The following FASTKD1 variants were observed in gnomAD, a reference collection of about 807,000 sequenced individuals.
FASTKD1 encodes FAST kinase domains 1, also known as FAST kinase domain-containing protein 1, mitochondrial.
In FASTKD1, 94 loss-of-function variants were observed where a neutral mutation model predicts 90.9. The ratio of observed to expected loss-of-function variants is 1.03; its 90% confidence interval spans 0.88 to 1.23. FASTKD1 has a LOEUF of 1.23. Among genes scored for constraint, FASTKD1 ranks in the 50% most tolerant of loss-of-function variants. FASTKD1 has a pLI of 0.00. For synonymous variants in FASTKD1, 319 were observed against 345.8 expected (o/e 0.92, Z 0.86); for missense variants, 945 against 993.5 (o/e 0.95, Z 0.66).
At chr2:169,559,305 G>A (rs561622320) in intron 5 of FASTKD1, among the ~76,000 whole-genome samples, 4 of 152,108 alleles carry the variant, frequency 2.6e-5, no homozygotes, top group South Asian at 2.1e-4. Flanking sequence ...AACTTTCTCC[G>A]TAAAGTTTTC....
Position 169,537,213 on chromosome 2 carries a change from A to G in FASTKD1, c.2188+14T>C. On this transcript the variant is annotated intron_variant, in intron 12 of 14. Transcript: ENST00000453153. ...ATTTTCTGAAAGTAACTAATAACCT[A>G]CCCAATAACTTACCTACTTTGTGGT... The G allele has an allele frequency of 9.9e-6, 14 of 1,411,958 alleles. No homozygotes were observed. Among genetic ancestry groups the G allele is most frequent in the Non-Finnish European group, 1.4e-5 (14 of 997,094 alleles). 87.5% of individuals were successfully genotyped at this position (1,411,958 alleles called of 1,614,324 possible).
chr2:169,561,725 C>T (rs551452285), intron 4 of FASTKD1, among the ~76,000 whole-genome samples: 6 of 128,610 alleles, frequency 4.7e-5, no homozygotes, highest in East Asian at 2.4e-4. Flanking sequence ...AATTATTAAT[C>T]TATTATAAAT....
intron 3 of FASTKD1, among the ~76,000 whole-genome samples, chr2:169,567,456 G>A (rs564480502): frequency 2.0e-5 from 3 of 152,216 alleles, no homozygotes; most frequent in Admixed American, 6.5e-5. Context: ...TATACTTATA[G>A]GTAGAGAGTA....
At position 169,571,782 on chromosome 2, in the gene FASTKD1, G is replaced by T. The variant is rs971683390; in HGVS notation, c.248C>A (p.Thr83Asn). The change falls in exon 2 of 15, where the codon ACC (threonine) becomes AAC (asparagine). Residue 83 changes from threonine to asparagine, a missense_variant. Physicochemically the swap from Thr to Asn is moderately conservative, Grantham distance 65 (BLOSUM62 0). Coordinates refer to ENST00000453153, the MANE Select transcript of FASTKD1 (RefSeq NM_024622.6). ...DMLWKLQKQK[T>N]SLLKNAEYVR... The stretch of plus-strand genomic sequence containing the variant: ...ATACTCAGCATTTTTTAACAGGCTG[G>T]TCTTCTGCTTTTGAAGCTTCCAAAG... 1.2e-6 allele frequency: 2 copies of T among 1,613,962 alleles called. No individual in the cohort carries two copies. The highest frequency in any genetic ancestry group is 2.7e-5 in the African/African-American group (2 of 74,908).
At chr2:169,560,355 A>C (rs771814439) in intron 5 of FASTKD1, 32 bp downstream of exon 5, 6 of 1,499,484 alleles carry the variant, frequency 4.0e-6, no homozygotes, top group Non-Finnish European at 5.3e-6. Context: ...TATTCACAAC[A>C]AAAAAAGTAA....
intron 7 of FASTKD1, among the ~76,000 whole-genome samples, chr2:169,548,646 C>T (rs1383491904): frequency 1.4e-5 from 2 of 144,990 alleles, no homozygotes; most frequent in South Asian, 2.2e-4. Context: ...GCATGAGAAT[C>T]GCTTGAACCC....
Position 169,530,612 on chromosome 2 carries a change from T to G in FASTKD1, c.2417A>C (p.Glu806Ala), listed in dbSNP as rs1326126945. The change falls in exon 14 of 15, where the codon GAA (glutamate) becomes GCA (alanine). Residue 806 changes from glutamate (E) to alanine (A), a missense_variant. Transcript: ENST00000453153. Reference sequence around the variant, plus strand: ...CTGAATTACACGATACCCCAGAATTTCCAAATGTCGTTTTTTCATAGCAGA... The same window carrying G: ...CTGAATTACACGATACCCCAGAATTGCCAAATGTCGTTTTTTCATAGCAGA... Reference protein sequence around the residue: ...GKSAMKKRHLEILGYRVIQIS... With the variant: ...GKSAMKKRHLAILGYRVIQIS... 6.2e-7 allele frequency: 1 copy of G among 1,607,702 alleles called. No homozygotes were observed.
Position 169,535,170 on chromosome 2 carries a change from T to TTTTTG in FASTKD1, c.2188+2052_2188+2056dup, listed in dbSNP as rs529175558. Reference sequence around the variant, plus strand: ...TACCATGCCCAGCTTCAATGTTTGTTTTTTGTTTTGTTTTGTTTTGTTTTG... The same window carrying TTTTTG: ...TACCATGCCCAGCTTCAATGTTTGTTTTTTGTTTTGTTTTGTTTTGTTTTGTTTTG... On this transcript the variant is annotated intron_variant, in intron 12 of 14. Transcript: ENST00000453153. 4.2e-4 allele frequency among the ~76,000 whole-genome samples: 64 copies of TTTTTG among 151,838 alleles called. 1 individual carries two copies. The East Asian group carries it at 5.4e-3, about 13-fold the overall frequency.
chr2:169,567,093 C>T (rs2105435727), intron 3 of FASTKD1, among the ~76,000 whole-genome samples: 1 of 149,096 alleles, frequency 6.7e-6, no homozygotes, highest in East Asian at 2.0e-4. Flanking sequence ...CCCGCCTGGG[C>T]AACAGAGCGA....
chr2:169,531,085 G>T, intron 13 of FASTKD1: 1 of 702,204 alleles, frequency 1.4e-6, no homozygotes, highest in Non-Finnish European at 2.6e-6. Context: ...AAGTAGAGAG[G>T]TATGGGAGCG....
chr2:169,568,936 T>G (rs549400359), intron 3 of FASTKD1, among the ~76,000 whole-genome samples: 6 of 150,838 alleles, frequency 4.0e-5, no homozygotes, highest in Non-Finnish European at 8.9e-5. Context: ...GAGGCAGAGG[T>G]TGCAGTGAGC....
At chr2:169,566,918 C>T (rs1202098374) in intron 3 of FASTKD1, among the ~76,000 whole-genome samples, 1 of 152,038 alleles carries the variant, frequency 6.6e-6, no homozygotes, top group African/African-American at 2.4e-5. Context: ...AGTTTGAGAC[C>T]AGCCTGGCCA....
intron 7 of FASTKD1, among the ~76,000 whole-genome samples, chr2:169,552,117 G>A (rs1685514844): frequency 6.6e-6 from 1 of 152,074 alleles, no homozygotes; most frequent in Non-Finnish European, 1.5e-5. Context: ...AGTGGAAGAA[G>A]GTAATTCTGA....
intron 7 of FASTKD1, among the ~76,000 whole-genome samples, chr2:169,547,210 C>G (rs550745491): frequency 6.6e-6 from 1 of 152,200 alleles, no homozygotes; most frequent in Non-Finnish European, 1.5e-5. Context: ...GATGAAGGGA[C>G]AGTAGGGTGA....
At position 169,560,613 on chromosome 2, in the gene FASTKD1, A is replaced by G. The variant is rs1301277952; in HGVS notation, c.745T>C (p.Leu249=). The G allele has an allele frequency of 6.2e-7, 1 of 1,612,100 alleles. No homozygotes were observed. The highest frequency in any genetic ancestry group is 1.1e-5 in the South Asian group (1 of 90,392). Residue 249 remains leucine, a synonymous_variant, in exon 5 of 15, where the codon TTA becomes CTA. Transcript: ENST00000453153. The stretch of plus-strand genomic sequence containing the variant: ...AAAAATACGTTATTACATCTTTCTA[A>G]TAGTGGTTGATAACGATATCTAACA... ...RNVRYRYQPL[L]ERCNNVFLSN...
At position 169,530,683 on chromosome 2, in the gene FASTKD1, CA is replaced by C; in HGVS notation, c.2345del (p.Leu782TrpfsTer13). ...TATTTCTACAAAGTGCTTTTGAATCCAAAAATTCCAAAGCAATCCTACATAA... is the reference window on the plus strand; with the variant it reads ...TATTTCTACAAAGTGCTTTTGAATCCAAAATTCCAAAGCAATCCTACATAA... Reference protein sequence around the residue: ...PGAERIALEFLDSKALCRNIP... With the variant: ...PGAERIALEFXDSKALCRNIP... On this transcript the variant is annotated frameshift_variant, in exon 14 of 15. Coordinates refer to ENST00000453153, the MANE Select transcript of FASTKD1 (RefSeq NM_024622.6). LOFTEE classifies it high-confidence loss of function. 1 of 1,589,774 alleles carries C rather than the reference CA, an allele frequency of 6.3e-7. No individual in the cohort carries two copies. Among genetic ancestry groups the C allele is most frequent in the Non-Finnish European group, 8.6e-7 (1 of 1,166,812 alleles).
intron 2 of FASTKD1, 64 bp from the exon 3 acceptor site, chr2:169,569,316 T>A: frequency 7.0e-7 from 1 of 1,438,438 alleles, no homozygotes; most frequent in Non-Finnish European, 9.8e-7. Flanking sequence ...ACATATGCAA[T>A]ACGAATGATA....
chr2:169,555,439 G>GT (rs1257301983), intron 6 of FASTKD1, among the ~76,000 whole-genome samples, 184 bp from the exon 7 acceptor site: 3 of 152,144 alleles, frequency 2.0e-5, no homozygotes, highest in African/African-American at 7.2e-5. Context: ...ACAGAATGAA[G>GT]TAAAAGCAAT....
intron 10 of FASTKD1, among the ~76,000 whole-genome samples, chr2:169,538,404 C>T (rs146459611): frequency 0.027 from 4,164 of 152,124 alleles, 82 homozygotes; most frequent in East Asian, 0.1. Flanking sequence ...CAGCAGGGCA[C>T]GGTGGCTCAT....
Sources: allele counts gnomAD v4.1 joint callset (sites outside exome capture counted in the v4.1 genomes callset), GRCh38; gene constraint gnomAD v4.1.1; transcripts MANE v1.5; gene names NCBI Gene and HGNC (gene_info 2026-07-23, HGNC 2026-07-21).